The following MAP3K1 variants were observed in gnomAD, a reference collection of about 807,000 sequenced individuals.
MAP3K1 encodes the protein mitogen-activated protein kinase kinase kinase 1.
In MAP3K1, 36 loss-of-function variants were observed where a neutral mutation model predicts 144.2. That is an observed-to-expected ratio of 0.25 (90% CI 0.19 to 0.33). The LOEUF is 0.33. Ranked by LOEUF, MAP3K1 falls within the 10% of genes least tolerant of loss-of-function variation. MAP3K1 has a pLI of 1.00. For synonymous variants in MAP3K1, 718 were observed against 688.7 expected, an observed-to-expected ratio of 1.04 and a Z score of -0.67; for missense variants, 1,650 against 1,881.9, an observed-to-expected ratio of 0.88 and a Z score of 2.28.
rs1745931824 is a variant in MAP3K1, at chr5:56,815,837, G to A, written c.264G>A (p.Ser88=). 1 of 1,409,354 alleles carries A rather than the reference G, an allele frequency of 7.1e-7. No individual in the cohort carries two copies. The highest frequency in any genetic ancestry group is 1.5e-5 in the African/African-American group (1 of 67,560). The allele number at this position is 1,409,354 out of a possible 1,614,324, so 87.3% of individuals were successfully genotyped here. A position where few individuals can be genotyped will look rare whatever the true frequency, so the allele number is the denominator to read the frequency against. ...TTGCCGCCTCACCGCCGGCCTCCTC[G>A]ACTTCCCCGTCGCCGGAGCCCGCGG... The part of the protein sequence containing the change: ...LFLAASPPAS[S]TSPSPEPADA... Residue 88 remains serine (S), a synonymous_variant, in exon 1 of 20, where the codon TCG becomes TCA. Transcript: ENST00000399503.
chr5:56,888,723 A>C (rs749457991), intron 19 of MAP3K1, among the ~76,000 whole-genome samples: 6 of 152,220 alleles, frequency 3.9e-5, no homozygotes, highest in Non-Finnish European at 8.8e-5. Flanking sequence ...GCGGAACAGT[A>C]GGCTAATGTA....
intron 1 of MAP3K1, among the ~76,000 whole-genome samples, chr5:56,831,423 A>G (rs200877979): frequency 6.6e-6 from 1 of 152,194 alleles, no homozygotes; most frequent in East Asian, 1.9e-4. Flanking sequence ...GGCAGATTCT[A>G]TGAGAGACGA....
At chr5:56,836,041 C>T (rs560543744) in intron 1 of MAP3K1, among the ~76,000 whole-genome samples, 4 of 152,312 alleles carry the variant, frequency 2.6e-5, no homozygotes, top group African/African-American at 7.2e-5. Context: ...GAAACAGACA[C>T]AAATCCCTGC....
At chr5:56,835,511 A>C (rs1746626072) in intron 1 of MAP3K1, among the ~76,000 whole-genome samples, 1 of 152,048 alleles carries the variant, frequency 6.6e-6, no homozygotes, top group Non-Finnish European at 1.5e-5. Flanking sequence ...GGTCCGCAGT[A>C]GGGATGCTGC....
At chr5:56,854,378 G>T (rs1747268248) in intron 1 of MAP3K1, among the ~76,000 whole-genome samples, 1 of 137,126 alleles carries the variant, frequency 7.3e-6, no homozygotes, top group Non-Finnish European at 1.5e-5. Flanking sequence ...GGTTGCCAGT[G>T]AGCCTATTGC....
At chr5:56,889,099 G>C (rs16877026) in intron 19 of MAP3K1, among the ~76,000 whole-genome samples, 8,918 of 152,182 alleles carry the variant, frequency 0.059, 282 homozygotes, top group East Asian at 0.12. Context: ...CTTTAAAAAC[G>C]TGAAATTCAT....
intron 1 of MAP3K1, among the ~76,000 whole-genome samples, chr5:56,838,755 T>A (rs1317925644): frequency 1.3e-5 from 2 of 152,204 alleles, no homozygotes; most frequent in Non-Finnish European, 2.9e-5. Context: ...GTGGATTGAC[T>A]AGGGTAGCTA....
intron 1 of MAP3K1, among the ~76,000 whole-genome samples, chr5:56,851,484 G>A (rs1316896728): frequency 6.6e-6 from 1 of 152,128 alleles, no homozygotes; most frequent in Non-Finnish European, 1.5e-5. Context: ...TCATCTAACA[G>A]CTTATCAGGG....
intron 1 of MAP3K1, among the ~76,000 whole-genome samples, chr5:56,819,969 G>A (rs1746104390): frequency 1.3e-5 from 2 of 152,140 alleles, no homozygotes; most frequent in Admixed American, 6.6e-5. Flanking sequence ...AATCAGGGCC[G>A]GAATTAGTAA....
chr5:56,860,745 C>CG (rs1561185735), intron 3 of MAP3K1, among the ~76,000 whole-genome samples: 1 of 151,686 alleles, frequency 6.6e-6, no homozygotes, highest in South Asian at 2.1e-4. Flanking sequence ...CCCAGCTACT[C>CG]GGGGGGCTGA....
chr5:56,841,494 G>A (rs1216908436), intron 1 of MAP3K1, among the ~76,000 whole-genome samples: 1 of 152,122 alleles, frequency 6.6e-6, no homozygotes, highest in Non-Finnish European at 1.5e-5. Flanking sequence ...AGATGGTGAT[G>A]ATACCTTAAG....
intron 1 of MAP3K1, among the ~76,000 whole-genome samples, chr5:56,845,328 A>G (rs60590641): frequency 0.044 from 6,726 of 152,326 alleles, 160 homozygotes; most frequent in East Asian, 0.064. Flanking sequence ...GAGAAAACAT[A>G]CACTGCAGCC....
Position 56,815,616 on chromosome 5 carries a change from C to T in MAP3K1, c.43C>T (p.Pro15Ser). 5 of 1,312,252 alleles carry T rather than the reference C, an allele frequency of 3.8e-6. No individual in the cohort carries two copies. Among genetic ancestry groups the T allele is most frequent in the Non-Finnish European group, 3.9e-6 (4 of 1,031,454 alleles). The allele number at this position is 1,312,252 out of a possible 1,614,324, so 81.3% of individuals were successfully genotyped here. The change falls in exon 1 of 20, where the codon CCG (proline) becomes TCG (serine). Residue 15 changes from proline to serine, a missense_variant. By Grantham distance (74) the Pro-to-Ser change is moderately conservative. Around this residue, in one of 6 missense-constraint regions of MAP3K1, gnomAD observed 360 missense variants for 274.7 expected, o/e 1.31. Coordinates refer to ENST00000399503, the MANE Select transcript of MAP3K1 (RefSeq NM_005921.2). Reference protein sequence around the residue: ...AGNRASSSGFPGARATSPEAG... With the variant: ...AGNRASSSGFSGARATSPEAG... ...GAATCGCGCCTCGTCGTCGGGATTC[C>T]CGGGCGCCAGGGCTACGAGCCCTGA... is the stretch of plus-strand genomic sequence containing the variant.
chr5:56,894,002 T>C lies in MAP3K1; in HGVS notation c.*322T>C. ...TTTTTGGAGCACTTTTTCAGCAATATTAGCGGCTGAGGGGCTCAGGATCTA... is the reference window on the plus strand; with the variant it reads ...TTTTTGGAGCACTTTTTCAGCAATACTAGCGGCTGAGGGGCTCAGGATCTA... On this transcript the variant is annotated 3_prime_UTR_variant, in exon 20 of 20. Coordinates refer to ENST00000399503, the MANE Select transcript of MAP3K1 (RefSeq NM_005921.2). 1 of 422,606 alleles carries C rather than the reference T, an allele frequency of 2.4e-6. No individual in the cohort carries two copies. The highest frequency in any genetic ancestry group is 4.4e-6 in the Non-Finnish European group (1 of 227,370). 26.2% of individuals were successfully genotyped at this position (422,606 alleles called of 1,614,324 possible).
intron 10 of MAP3K1, 55 bp from the exon 11 acceptor site, chr5:56,878,925 T>A: frequency 6.4e-7 from 1 of 1,567,426 alleles, no homozygotes; most frequent in East Asian, 2.2e-5. Flanking sequence ...ATTAGGCCAT[T>A]ATCTCTGATG....
chr5:56,843,298 A>G (rs574042732), intron 1 of MAP3K1, among the ~76,000 whole-genome samples: 1 of 152,212 alleles, frequency 6.6e-6, no homozygotes, highest in South Asian at 2.1e-4. Context: ...GGCCATTGCC[A>G]TCACCTCCTT....
chr5:56,840,554 C>G (rs1407197086), intron 1 of MAP3K1, among the ~76,000 whole-genome samples: 1 of 152,160 alleles, frequency 6.6e-6, no homozygotes, highest in Non-Finnish European at 1.5e-5. Context: ...CAGATTTGCA[C>G]TCAGAAAACT....
At chr5:56,824,926 G>T (rs1183201380) in intron 1 of MAP3K1, among the ~76,000 whole-genome samples, 1 of 151,340 alleles carries the variant, frequency 6.6e-6, no homozygotes, top group Non-Finnish European at 1.5e-5. Context: ...GATCTTTTCC[G>T]GTTTTTTAAA....
At chr5:56,873,276 A>G (rs1400494520) in intron 9 of MAP3K1, among the ~76,000 whole-genome samples, 1 of 152,206 alleles carries the variant, frequency 6.6e-6, no homozygotes, top group Non-Finnish European at 1.5e-5. Context: ...TTATTCAAGG[A>G]TAGAAGGATA....
Sources: gnomAD v4.1 joint callset for allele counts (sites outside exome capture counted in the v4.1 genomes callset) on GRCh38, gnomAD v4.1.1 for gene constraint, gnomAD v4.1.1 regional missense constraint, MANE v1.5 for transcripts, NCBI Gene and HGNC (gene_info 2026-07-23, HGNC 2026-07-21) for gene names.